Variants in HECW2 observed in about 807,000 individuals in gnomAD.
HECW2 encodes the protein E3 ubiquitin-protein ligase HECW2.
HECW2 carries 61 observed loss-of-function variants against 175.2 expected under a neutral mutation model. The ratio of observed to expected loss-of-function variants is 0.35; its 90% CI spans 0.28 to 0.43. The LOEUF is 0.43. HECW2 is among the 20% of genes least tolerant of loss of function. The pLI, the probability that HECW2 is intolerant of heterozygous loss-of-function variation, is 1.00. For synonymous variants in HECW2, 671 were observed against 731.0 expected (o/e 0.92, Z 1.32); for missense variants, 1,524 against 2,000.5 (o/e 0.76, Z 4.54).
intron 14 of HECW2, 182 bp downstream of exon 14, chr2:196,292,383 G>A (rs929298794): frequency 8.9e-6 from 5 of 559,244 alleles, no homozygotes; most frequent in Non-Finnish European, 1.6e-5. Flanking sequence ...CACGACTTCA[G>A]AATGGCACAG....
chr2:196,235,646 TTC>T (rs1249241237), intron 21 of HECW2, among the ~76,000 whole-genome samples: 41 of 132,232 alleles, frequency 3.1e-4, no homozygotes, highest in African/African-American at 1.4e-3. Flanking sequence ...AGATGCATTA[TTC>T]TTTTTTTTTT....
At position 196,507,469 on chromosome 2, in the gene HECW2, C is replaced by T. The variant is rs113651638; in HGVS notation, c.-35-74011G>A. Among the ~76,000 whole-genome samples, 446 of 152,218 alleles carry T rather than the reference C, an allele frequency of 2.9e-3. 1 individual carries two copies. The highest frequency in any genetic ancestry group is 0.01 in the African/African-American group (420 of 41,534). On this transcript the variant is annotated intron_variant, in intron 1 of 28. Transcript: ENST00000644978. Reference sequence around the variant, plus strand: ...TATTTCTGATGGTCATGACTGGGGTCGCTGCTACTAGCATACAGTAGTTAG... The same window carrying T: ...TATTTCTGATGGTCATGACTGGGGTTGCTGCTACTAGCATACAGTAGTTAG...
chr2:196,258,793 A>T (rs1420312747), intron 17 of HECW2, among the ~76,000 whole-genome samples: 2 of 152,236 alleles, frequency 1.3e-5, no homozygotes, highest in Non-Finnish European at 2.9e-5. Context: ...ATTCTATTTC[A>T]TTGGAATATA....
At chr2:196,296,998 TA>T (rs1690840703) in intron 13 of HECW2, among the ~76,000 whole-genome samples, 1 of 152,194 alleles carries the variant, frequency 6.6e-6, no homozygotes, top group African/African-American at 2.4e-5. Context: ...AAAGATGCAG[TA>T]AATGAATCTG....
At chr2:196,271,523 G>T (rs1290705834) in intron 16 of HECW2, among the ~76,000 whole-genome samples, 1 of 151,966 alleles carries the variant, frequency 6.6e-6, no homozygotes, top group African/African-American at 2.4e-5. Flanking sequence ...CCTGACCTCA[G>T]TTGATCCACC....
At chr2:196,357,842 C>T (rs1319806127) in intron 2 of HECW2, among the ~76,000 whole-genome samples, 1 of 152,158 alleles carries the variant, frequency 6.6e-6, no homozygotes, top group Non-Finnish European at 1.5e-5. Flanking sequence ...TCCCCTTCAC[C>T]TTCTGCCATG....
At chr2:196,391,630 T>A (rs1330288695) in intron 2 of HECW2, among the ~76,000 whole-genome samples, 8 of 152,232 alleles carry the variant, frequency 5.3e-5, no homozygotes, top group Admixed American at 5.2e-4. Flanking sequence ...CTTAACTCTT[T>A]GGAATTAGAT....
rs777289519 is a variant in HECW2 at position 196,319,599 on chromosome 2, G to T, written c.1291C>A (p.Pro431Thr). ...CTCTCAGAGCAGGTCGCTGTCCCCG[G>T]CCTGGAGTGGCCATTGTGTTCGATA... ...DAIEHNGHSRPGTATCSERSM... is the reference protein window; with the variant it reads ...DAIEHNGHSRTGTATCSERSM... The change falls in exon 9 of 29, where the codon CCG becomes ACG. Residue 431 changes from proline (P) to threonine (T), a missense_variant. Pro to Thr is a conservative substitution (Grantham distance 38). This residue lies in a region of HECW2 where 604 missense variants were observed against 588.3 expected (regional missense o/e 1.03). Transcript: ENST00000644978. 1.2e-6 allele frequency: 2 copies of T among 1,614,228 alleles called. No homozygotes were observed. The highest frequency in any genetic ancestry group is 3.3e-5 in the Admixed American group (2 of 60,032).
At chr2:196,469,419 G>C (rs1697106970) in intron 1 of HECW2, among the ~76,000 whole-genome samples, 1 of 151,996 alleles carries the variant, frequency 6.6e-6, no homozygotes, top group Non-Finnish European at 1.5e-5. Context: ...CAACTGGGGA[G>C]GAACACCCAC....
At chr2:196,270,342 G>A (rs934673526) in intron 17 of HECW2, among the ~76,000 whole-genome samples, 1 of 152,202 alleles carries the variant, frequency 6.6e-6, no homozygotes, top group African/African-American at 2.4e-5. Context: ...AAGCTTGCCA[G>A]GGAAGGGGAA....
At position 196,307,230 on chromosome 2, in the gene HECW2, A is replaced by T; in HGVS notation, c.2589T>A (p.Tyr863Ter). The change falls in exon 12 of 29, where the codon TAT becomes TAA. Residue 863 changes from tyrosine to a stop codon, truncating the protein, a stop_gained. Transcript: ENST00000644978. LOFTEE classifies it high-confidence loss of function. Reference sequence around the variant, plus strand: ...TGGTCATGGTTCTGCGGATACTCTGATATCTAAAATCATGAGCCTAGAGTT... The same window carrying T: ...TGGTCATGGTTCTGCGGATACTCTGTTATCTAAAATCATGAGCCTAGAGTT... ...IQQMEQLNRR[Y>*]QSIRRTMTNE... 1 of 1,602,784 alleles carries T rather than the reference A, an allele frequency of 6.2e-7. No homozygotes were observed. Among genetic ancestry groups the T allele is most frequent in the South Asian group, 1.1e-5 (1 of 90,886 alleles).
rs1686816578 is a variant in HECW2 at position 196,200,387 on chromosome 2, C to T, written c.*890G>A. ...TTCCTTGAGAGTGCTTAAAAGGATA[C>T]ATATTAGCATGATGCCCGAGTATGC... On this transcript the variant is annotated 3_prime_UTR_variant, in exon 29 of 29. Coordinates refer to ENST00000644978, the MANE Select transcript of HECW2 (RefSeq NM_001348768.2). The T allele has an allele frequency of 6.6e-6, 1 of 152,432 alleles. No homozygotes were observed. The highest frequency in any genetic ancestry group is 2.4e-5 in the African/African-American group (1 of 41,388). The allele number at this position is 152,432 out of a possible 1,614,324, so 9.4% of individuals were successfully genotyped here. A position where few individuals can be genotyped will look rare whatever the true frequency, so the allele number is the denominator to read the frequency against.
chr2:196,320,522 C>T, intron 7 of HECW2, 83 bp from the exon 8 acceptor site: 1 of 749,752 alleles, frequency 1.3e-6, no homozygotes, highest in Admixed American at 2.1e-5. Flanking sequence ...CCACCAAATC[C>T]CTCCTATCTC....
chr2:196,554,710 T>G (rs908331898), intron 1 of HECW2, among the ~76,000 whole-genome samples: 3 of 152,236 alleles, frequency 2.0e-5, no homozygotes, highest in Non-Finnish European at 2.9e-5. Flanking sequence ...TCCACTTTAA[T>G]TTCCACCAGC....
At position 196,306,560 on chromosome 2, in the gene HECW2, C is replaced by G. The variant is rs769147656; in HGVS notation, c.2742G>C (p.Thr914=). The G allele has an allele frequency of 6.2e-7, 1 of 1,612,878 alleles. No individual in the cohort carries two copies. The highest frequency in any genetic ancestry group is 1.7e-5 in the Admixed American group (1 of 59,866). Residue 914 remains threonine, a synonymous_variant, in exon 13 of 29, where the codon ACG becomes ACC. Coordinates refer to ENST00000644978, the MANE Select transcript of HECW2 (RefSeq NM_001348768.2). Reference sequence around the variant, plus strand: ...TCACGGGGGGAGACTGTAACAGCAACGTGATCCTGGATCTGGAGGTAGAGT... The same window carrying G: ...TCACGGGGGGAGACTGTAACAGCAAGGTGATCCTGGATCTGGAGGTAGAGT... ...LPHSTSRSRI[T]LLLQSPPVKF... is the part of the protein sequence containing the mutation.
At chr2:196,550,183 C>T (rs1374572233) in intron 1 of HECW2, among the ~76,000 whole-genome samples, 8 of 152,198 alleles carry the variant, frequency 5.3e-5, no homozygotes, top group African/African-American at 1.9e-4. Flanking sequence ...TATCTACCAT[C>T]CATATAAAGG....
intron 10 of HECW2, among the ~76,000 whole-genome samples, chr2:196,308,412 C>T (rs6434836): frequency 0.58 from 87,877 of 152,032 alleles, 27,113 homozygotes; most frequent in East Asian, 0.82. Context: ...CATAACACTT[C>T]AGATATTCAC....
intron 2 of HECW2, among the ~76,000 whole-genome samples, chr2:196,364,076 C>G (rs987933171): frequency 6.6e-6 from 1 of 152,164 alleles, no homozygotes; most frequent in Non-Finnish European, 1.5e-5. Flanking sequence ...TGGTGCAGCT[C>G]TTACTATCAC....
chr2:196,289,624 A>G (rs1397591715), intron 14 of HECW2: 1 of 151,594 alleles, frequency 6.6e-6, no homozygotes, highest in African/African-American at 2.4e-5. Context: ...ACAGGTTGAA[A>G]CTCCCATGCT....
Sources: allele counts gnomAD v4.1 joint callset (sites outside exome capture counted in the v4.1 genomes callset), GRCh38; gene constraint gnomAD v4.1.1; regional missense constraint gnomAD v4.1.1; transcripts MANE v1.5; gene names NCBI Gene and HGNC (gene_info 2026-07-23, HGNC 2026-07-21).